Variants in CACNA2D3 observed in about 807,000 individuals in gnomAD.
CACNA2D3 encodes the protein calcium voltage-gated channel auxiliary subunit alpha2delta 3.
CACNA2D3 carries 60 observed loss-of-function variants against 160.6 expected under a neutral mutation model. That is an observed-to-expected ratio of 0.37 (90% CI 0.30 to 0.46). The LOEUF is 0.46. CACNA2D3 is among the 20% of genes least tolerant of loss of function. The pLI, the probability that CACNA2D3 is intolerant of heterozygous loss-of-function variation, is 1.00. For synonymous variants in CACNA2D3, 558 were observed against 492.9 expected (o/e 1.13, Z -1.75); for missense variants, 1,205 against 1,365.0 (o/e 0.88, Z 1.85).
intron 11 of CACNA2D3, among the ~76,000 whole-genome samples, chr3:54,722,899 A>AC (rs1701196649): frequency 6.6e-6 from 1 of 152,024 alleles, no homozygotes; most frequent in African/African-American, 2.4e-5. Context: ...AGGCAGTCTG[A>AC]CCCTTAGCAG....
At chr3:54,717,210 T>A (rs1304042638) in intron 11 of CACNA2D3, among the ~76,000 whole-genome samples, 1 of 152,192 alleles carries the variant, frequency 6.6e-6, no homozygotes, top group Non-Finnish European at 1.5e-5. Flanking sequence ...GACATATCAT[T>A]ATTTATCTCA....
chr3:54,264,734 C>T (rs1423542604), intron 2 of CACNA2D3, among the ~76,000 whole-genome samples: 4 of 151,944 alleles, frequency 2.6e-5, no homozygotes, highest in African/African-American at 9.7e-5. Flanking sequence ...TTTGGAAACA[C>T]TTAGGTAAAT....
At chr3:54,739,469 C>T (rs1375161679) in intron 11 of CACNA2D3, among the ~76,000 whole-genome samples, 1 of 143,392 alleles carries the variant, frequency 7.0e-6, no homozygotes, top group Non-Finnish European at 1.5e-5. Context: ...CACACACACA[C>T]ACAAACAAAA....
At chr3:54,931,288 C>G (rs1451466137) in intron 27 of CACNA2D3, among the ~76,000 whole-genome samples, 1 of 152,170 alleles carries the variant, frequency 6.6e-6, no homozygotes, top group Non-Finnish European at 1.5e-5. Flanking sequence ...TTTACTCATG[C>G]TGACCCCAAT....
chr3:54,472,589 T>C (rs180918270), intron 4 of CACNA2D3, among the ~76,000 whole-genome samples: 99 of 152,278 alleles, frequency 6.5e-4, no homozygotes, highest in Non-Finnish European at 1.1e-3. Context: ...AGAGAAGAAG[T>C]CAAATTGTGT....
intron 35 of CACNA2D3, among the ~76,000 whole-genome samples, chr3:55,062,516 A>G (rs358065): frequency 0.045 from 6,919 of 152,196 alleles, 539 homozygotes; most frequent in African/African-American, 0.16. Flanking sequence ...AAATTACCCA[A>G]ATTACAAAAC....
chr3:54,518,955 G>T (rs902771125), intron 5 of CACNA2D3, among the ~76,000 whole-genome samples: 2 of 151,884 alleles, frequency 1.3e-5, no homozygotes, highest in East Asian at 3.9e-4. Flanking sequence ...AAATTGAGGG[G>T]GGAGAAAAGG....
intron 18 of CACNA2D3, chr3:54,875,528 T>C (rs1699638796): frequency 6.6e-6 from 1 of 152,216 alleles, no homozygotes; most frequent in Non-Finnish European, 1.5e-5. Flanking sequence ...TATCATTCCA[T>C]AATCATACAC....
intron 14 of CACNA2D3, among the ~76,000 whole-genome samples, chr3:54,829,851 C>T (rs531488959): frequency 7.0e-6 from 1 of 143,364 alleles, no homozygotes; most frequent in South Asian, 2.4e-4. Flanking sequence ...GTCACATTCT[C>T]AGATTCTGCA....
At chr3:54,306,346 G>A (rs1357014045) in intron 2 of CACNA2D3, among the ~76,000 whole-genome samples, 1 of 133,950 alleles carries the variant, frequency 7.5e-6, no homozygotes, top group East Asian at 2.0e-4. Context: ...AGAGAGAGAA[G>A]TATTAGTTAC....
At position 54,896,206 on chromosome 3, in the gene CACNA2D3, G is replaced by C. The variant is rs75991089; in HGVS notation, c.2247-543G>C. On this transcript the variant is annotated intron_variant, in intron 25 of 37. Coordinates refer to ENST00000474759, the MANE Select transcript of CACNA2D3 (RefSeq NM_018398.3). ...TGGAGGGCGGGGATGCACACAGGGG[G>C]CATGAGCAGGCCTGTTTGTCCAGCG... is the stretch of plus-strand genomic sequence containing the variant. Among the ~76,000 whole-genome samples the C allele has an allele frequency of 4.6e-5, 7 of 152,208 alleles. No individual in the cohort carries two copies. The Middle Eastern group carries it at 0.017, about 370-fold the overall frequency.
At chr3:54,894,752 A>G (rs1700150234) in intron 25 of CACNA2D3, 2 of 439,690 alleles carry the variant, frequency 4.5e-6, no homozygotes, top group Admixed American at 5.0e-5. Context: ...GAAGAATTTC[A>G]TGTCTAGCGA....
chr3:54,531,620 G>C (rs1014386316), intron 5 of CACNA2D3, among the ~76,000 whole-genome samples: 1 of 152,186 alleles, frequency 6.6e-6, no homozygotes, highest in Non-Finnish European at 1.5e-5. Context: ...CTCTTGCTGT[G>C]TGGCAGAGTC....
intron 27 of CACNA2D3, among the ~76,000 whole-genome samples, chr3:54,951,769 G>T (rs1339374683): frequency 1.3e-5 from 2 of 152,220 alleles, no homozygotes; most frequent in Non-Finnish European, 2.9e-5. Context: ...AGTTAAGTAA[G>T]ATAACACAGG....
chr3:54,175,588 G>C (rs898776649), intron 2 of CACNA2D3, among the ~76,000 whole-genome samples: 8 of 146,710 alleles, frequency 5.5e-5, no homozygotes, highest in Non-Finnish European at 8.9e-5. Context: ...ACTCCAGCCT[G>C]GGGTGACAAA....
At chr3:54,229,835 GTTCAGACCACTCAT>G (rs1048427906) in intron 2 of CACNA2D3, among the ~76,000 whole-genome samples, 1 of 152,014 alleles carries the variant, frequency 6.6e-6, no homozygotes, top group African/African-American at 2.4e-5. Context: ...GTTATATCTT[GTTCAGACCACTCAT>G]TTCAGTAGAA....
intron 27 of CACNA2D3, among the ~76,000 whole-genome samples, chr3:54,948,961 A>G (rs1253403032): frequency 1.3e-5 from 2 of 152,232 alleles, no homozygotes; most frequent in African/African-American, 4.8e-5. Context: ...GTCCATAGTT[A>G]TAACCAGCTT....
At chr3:54,752,275 A>G (rs1701871790) in intron 11 of CACNA2D3, among the ~76,000 whole-genome samples, 1 of 152,218 alleles carries the variant, frequency 6.6e-6, no homozygotes, top group African/African-American at 2.4e-5. Flanking sequence ...GATTTGGTCC[A>G]GACTTAGATG....
chr3:54,552,939 C>G (rs1309300063), intron 5 of CACNA2D3, among the ~76,000 whole-genome samples: 1 of 152,136 alleles, frequency 6.6e-6, no homozygotes, highest in South Asian at 2.1e-4. Flanking sequence ...TAATCATTCA[C>G]CAGGGAATGA....
Sources: gnomAD v4.1 joint callset for allele counts (sites outside exome capture counted in the v4.1 genomes callset) on GRCh38, gnomAD v4.1.1 for gene constraint, MANE v1.5 for transcripts, NCBI Gene and HGNC (gene_info 2026-07-23, HGNC 2026-07-21) for gene names.